The following BMPR2 variants were observed in gnomAD, a reference collection of about 807,000 sequenced individuals.
The protein encoded by BMPR2 is bone morphogenetic protein receptor type 2, also known as bone morphogenetic protein receptor type-2.
A neutral mutation model predicts 100.8 loss-of-function variants in BMPR2; 29 were observed. The ratio of observed to expected loss-of-function variants is 0.29; its 90% confidence interval spans 0.21 to 0.39. The LOEUF is 0.39. Among genes scored for constraint, BMPR2 ranks in the 10% least tolerant of loss-of-function variants. BMPR2 has a pLI of 1.00. For missense variants in BMPR2, 1,011 were observed against 1,274.5 expected (o/e 0.79, Z 3.15); for synonymous variants, 382 against 442.3 (o/e 0.86, Z 1.71).
intron 9 of BMPR2, among the ~76,000 whole-genome samples, chr2:202,539,182 CA>C (rs1688224614): frequency 6.6e-6 from 1 of 152,062 alleles, no homozygotes; most frequent in African/African-American, 2.4e-5. Flanking sequence ...ACTAAGATTT[CA>C]GCCTGAGGAA....
intron 1 of BMPR2, among the ~76,000 whole-genome samples, chr2:202,446,923 T>C (rs1312754188): frequency 6.7e-6 from 1 of 148,858 alleles, no homozygotes; most frequent in Non-Finnish European, 1.5e-5. Context: ...GTGCTGGGAT[T>C]ACAGGTGTGA....
At chr2:202,527,239 G>A (rs916913313) in intron 7 of BMPR2, among the ~76,000 whole-genome samples, 3 of 152,170 alleles carry the variant, frequency 2.0e-5, no homozygotes, top group African/African-American at 7.2e-5. Context: ...TGTAATCCCA[G>A]CACTTTGGGA....
At chr2:202,393,003 A>G (rs1394446224) in intron 1 of BMPR2, among the ~76,000 whole-genome samples, 1 of 151,932 alleles carries the variant, frequency 6.6e-6, no homozygotes, top group Non-Finnish European at 1.5e-5. Flanking sequence ...AAAAAAAAAA[A>G]AAAAAAAGTT....
intron 9 of BMPR2, among the ~76,000 whole-genome samples, chr2:202,533,944 TTAACTA>T (rs1219721040): frequency 6.6e-6 from 1 of 152,196 alleles, no homozygotes; most frequent in Admixed American, 6.5e-5. Flanking sequence ...TCTAAAAACT[TTAACTA>T]TAAATCTGGC....
intron 3 of BMPR2, among the ~76,000 whole-genome samples, chr2:202,490,679 G>A (rs1033483125): frequency 8.5e-5 from 13 of 152,322 alleles, no homozygotes; most frequent in African/African-American, 2.9e-4. Context: ...ACATGTGAAT[G>A]CCTCTGAGAC....
intron 1 of BMPR2, among the ~76,000 whole-genome samples, chr2:202,459,480 T>C (rs1417232273): frequency 1.3e-5 from 2 of 152,138 alleles, no homozygotes; most frequent in Non-Finnish European, 2.9e-5. Context: ...CCTGATCCTC[T>C]CCCTCCTCCC....
intron 12 of BMPR2, among the ~76,000 whole-genome samples, chr2:202,556,826 T>C (rs538765868): frequency 1.3e-5 from 2 of 150,912 alleles, no homozygotes; most frequent in African/African-American, 4.9e-5. Context: ...GGCTCACGCC[T>C]GTAATCCCAG....
At chr2:202,497,541 C>T (rs1250212924) in intron 3 of BMPR2, among the ~76,000 whole-genome samples, 5 of 152,198 alleles carry the variant, frequency 3.3e-5, no homozygotes, top group African/African-American at 4.8e-5. Context: ...TCCGCTTTTC[C>T]TGTACTTCTG....
intron 7 of BMPR2, among the ~76,000 whole-genome samples, chr2:202,523,607 C>T (rs1353072076): frequency 1.3e-5 from 2 of 151,910 alleles, no homozygotes; most frequent in Non-Finnish European, 2.9e-5. Context: ...AGTTCAAGAC[C>T]AGCCTGAGTC....
At chr2:202,521,992 C>G (rs928981791) in intron 7 of BMPR2, among the ~76,000 whole-genome samples, 2 of 151,916 alleles carry the variant, frequency 1.3e-5, no homozygotes, top group African/African-American at 4.8e-5. Context: ...GACCCTTTCT[C>G]TACAAAATAT....
intron 1 of BMPR2, among the ~76,000 whole-genome samples, chr2:202,463,533 A>G (rs1012838063): frequency 2.6e-5 from 4 of 152,234 alleles, no homozygotes; most frequent in Non-Finnish European, 4.4e-5. Context: ...TCCAAAATAA[A>G]GAAACAAGTC....
Position 202,518,801 on chromosome 2 carries a change from CT to C in BMPR2, c.622-18del, listed in dbSNP as rs1425891136. ...GTTCAATTGTGATATTAATACCTTGCTTTCTTTAAAACACTTGCAGCTGATT... is the reference window on the plus strand; with the variant it reads ...GTTCAATTGTGATATTAATACCTTGCTTCTTTAAAACACTTGCAGCTGATT... On this transcript the variant is annotated intron_variant, in intron 5 of 12. Coordinates refer to ENST00000374580, the MANE Select transcript of BMPR2 (RefSeq NM_001204.7). 6.3e-7 allele frequency: 1 copy of C among 1,596,708 alleles called. No individual in the cohort carries two copies. The highest frequency in any genetic ancestry group is 1.3e-5 in the African/African-American group (1 of 74,522).
intron 3 of BMPR2, among the ~76,000 whole-genome samples, chr2:202,494,287 G>C (rs1392454855): frequency 2.0e-5 from 3 of 152,178 alleles, no homozygotes; most frequent in African/African-American, 4.8e-5. Context: ...TCCCCAATTT[G>C]CCTTTCTACA....
At chr2:202,426,155 A>G (rs1432140193) in intron 1 of BMPR2, among the ~76,000 whole-genome samples, 1 of 152,238 alleles carries the variant, frequency 6.6e-6, no homozygotes, top group Admixed American at 6.5e-5. Flanking sequence ...GGCCAGAAGT[A>G]ACACTTTACT....
chr2:202,440,005 C>T (rs1485424602), intron 1 of BMPR2, among the ~76,000 whole-genome samples: 1 of 150,264 alleles, frequency 6.7e-6, no homozygotes, highest in Non-Finnish European at 1.5e-5. Context: ...TGAGTGGACA[C>T]AGCACATGTT....
intron 1 of BMPR2, among the ~76,000 whole-genome samples, chr2:202,436,811 T>A (rs1036783760): frequency 1.3e-5 from 2 of 150,660 alleles, no homozygotes; most frequent in Non-Finnish European, 1.5e-5. Flanking sequence ...TCAGCCCGAA[T>A]TGGCTTTGTT....
At chr2:202,419,180 T>C (rs1691204560) in intron 1 of BMPR2, among the ~76,000 whole-genome samples, 1 of 152,204 alleles carries the variant, frequency 6.6e-6, no homozygotes, top group Admixed American at 6.5e-5. Context: ...ATTTGAAAAT[T>C]AAATTGCCTT....
chr2:202,548,033 C>T (rs1225035356), intron 10 of BMPR2, among the ~76,000 whole-genome samples: 3 of 151,366 alleles, frequency 2.0e-5, no homozygotes, highest in South Asian at 2.1e-4. Flanking sequence ...TGCAGTGAGC[C>T]GAGATTGCAC....
At chr2:202,542,039 A>T (rs1688285279) in intron 9 of BMPR2, among the ~76,000 whole-genome samples, 3 of 151,644 alleles carry the variant, frequency 2.0e-5, no homozygotes, top group Admixed American at 1.3e-4. Context: ...TGAACCCGGG[A>T]GGCAGAGGTT....
Sources: gnomAD v4.1 joint callset for allele counts (sites outside exome capture counted in the v4.1 genomes callset) on GRCh38, gnomAD v4.1.1 for gene constraint, MANE v1.5 for transcripts, NCBI Gene and HGNC (gene_info 2026-07-23, HGNC 2026-07-21) for gene names.